RAI1: variants seen among roughly 807,000 people sequenced by gnomAD.
The protein encoded by RAI1 is retinoic acid induced 1.
A neutral mutation model predicts 123.8 loss-of-function variants in RAI1; 9 were observed. The ratio of observed to expected loss-of-function variants is 0.07; its 90% CI spans 0.04 to 0.13. RAI1 has a LOEUF of 0.13. RAI1 is among the 10% of genes least tolerant of loss of function. The pLI, the probability that RAI1 is intolerant of heterozygous loss-of-function variation, is 1.00. For missense variants in RAI1, 2,256 were observed against 2,545.8 expected, an observed-to-expected ratio of 0.89 and a Z score of 2.45; for synonymous variants, 1,231 against 1,127.3, an observed-to-expected ratio of 1.09 and a Z score of -1.84.
intron 4 of RAI1, among the ~76,000 whole-genome samples, chr17:17,807,268 G>A (rs977346463): frequency 1.5e-5 from 2 of 137,554 alleles, no homozygotes; most frequent in African/African-American, 5.2e-5. Context: ...CGGGGGGGTG[G>A]GAGTGAGAGG....
intron 2 of RAI1, among the ~76,000 whole-genome samples, chr17:17,769,354 G>A (rs558802239): frequency 3.9e-5 from 6 of 152,240 alleles, no homozygotes; most frequent in South Asian, 2.1e-4. Flanking sequence ...AGCCTTCTGC[G>A]CAGGCCTCCT....
intron 1 of RAI1, among the ~76,000 whole-genome samples, chr17:17,705,498 A>G (rs1452066078): frequency 6.6e-6 from 1 of 152,110 alleles, no homozygotes; most frequent in Non-Finnish European, 1.5e-5. Context: ...GTGAGCTGAG[A>G]TCGTGCCATT....
intron 1 of RAI1, among the ~76,000 whole-genome samples, chr17:17,707,313 A>C (rs1915424119): frequency 6.6e-6 from 1 of 152,076 alleles, no homozygotes; most frequent in African/African-American, 2.4e-5. Context: ...AAGAAGATAG[A>C]TGTAGTGAGA....
rs910468081 is a variant in RAI1, at chr17:17,772,548, C to A, written c.-16-20385C>A. 2.6e-5 allele frequency among the ~76,000 whole-genome samples: 4 copies of A among 152,376 alleles called. No individual in the cohort carries two copies. The South Asian group carries it at 8.3e-4, about 32-fold the overall frequency. On this transcript the variant is annotated intron_variant, in intron 2 of 5. Transcript: ENST00000353383. ...CCCAGAGGGCCACACACCACGTGGA[C>A]CCTGCCCATCTCTCATTTCTTGCCT...
At chr17:17,792,890 T>TC in intron 2 of RAI1, 43 bp from the exon 3 acceptor site, 6 of 296,096 alleles carry the variant, frequency 2.0e-5, no homozygotes, top group Non-Finnish European at 2.7e-5. Context: ...CATCCTCCCC[T>TC]CCCTCCTTCC....
chr17:17,690,282 G>A (rs1914791918), intron 1 of RAI1, among the ~76,000 whole-genome samples: 2 of 151,958 alleles, frequency 1.3e-5, no homozygotes, highest in African/African-American at 4.8e-5. Context: ...AGCTACTCAG[G>A]AGGCTGAGGC....
intron 4 of RAI1, among the ~76,000 whole-genome samples, chr17:17,805,274 G>T (rs1486456658): frequency 6.6e-6 from 1 of 152,142 alleles, no homozygotes; most frequent in Non-Finnish European, 1.5e-5. Flanking sequence ...GAGCTGCTGG[G>T]AGGAGAGTGA....
intron 1 of RAI1, chr17:17,684,533 T>C (rs1308453106): frequency 6.6e-6 from 1 of 151,938 alleles, no homozygotes; most frequent in Non-Finnish European, 1.5e-5. Flanking sequence ...AAGTAACACT[T>C]GGATACTTGG....
chr17:17,795,884 C>T lies in RAI1; in HGVS notation c.2936C>T (p.Pro979Leu). 6.2e-7 allele frequency: 1 copy of T among 1,612,364 alleles called. No individual in the cohort carries two copies. The highest frequency in any genetic ancestry group is 8.5e-7 in the Non-Finnish European group (1 of 1,179,966). The change falls in exon 3 of 6, where the codon CCT (proline) becomes CTT (leucine). Residue 979 changes from proline to leucine, a missense_variant. Coordinates refer to ENST00000353383, the MANE Select transcript of RAI1 (RefSeq NM_030665.4). The surrounding 1 kb of genome is among the most constrained non-coding windows in gnomAD (Gnocchi z 5.9). ...DASLAQKPNK[P>L]AVPEAPIAKK... is the part of the protein sequence containing the mutation. The stretch of plus-strand genomic sequence containing the variant: ...TCTCTGGCCCAGAAGCCCAACAAGC[C>T]TGCTGTGCCCGAGGCGCCCATCGCA...
intron 2 of RAI1, among the ~76,000 whole-genome samples, chr17:17,773,970 A>G (rs893086398): frequency 5.9e-5 from 9 of 152,218 alleles, no homozygotes; most frequent in African/African-American, 1.9e-4. Flanking sequence ...TCTATAATCT[A>G]TAATTTAAAA....
intron 4 of RAI1, chr17:17,804,216 T>G: frequency 3.0e-6 from 1 of 338,458 alleles, no homozygotes; most frequent in South Asian, 2.5e-5. Flanking sequence ...TAAATAGGAG[T>G]TCACTCAGCA....
At position 17,705,547 on chromosome 17, in the gene RAI1, AAAAAACAAAAAC is replaced by A. The variant is rs10634571; in HGVS notation, c.-148-18462_-148-18451del. On this transcript the variant is annotated intron_variant, in intron 1 of 5. Transcript: ENST00000353383. ...GGCAACAAGAACGAAACTCCGTCTC[AAAAAACAAAAAC>A]AAAAACAAAAACAAAAACGAGCCAG... 2.8e-4 allele frequency among the ~76,000 whole-genome samples: 42 copies of A among 151,326 alleles called. 1 individual carries two copies. Among genetic ancestry groups the A allele is most frequent in the South Asian group, 8.4e-4 (4 of 4,766 alleles).
chr17:17,702,051 T>G (rs559001038), intron 1 of RAI1, among the ~76,000 whole-genome samples: 2 of 152,332 alleles, frequency 1.3e-5, no homozygotes, highest in East Asian at 3.9e-4. Context: ...TGGGAGAGGC[T>G]TCTAAGCTCA....
Position 17,797,859 on chromosome 17 carries a change from GTCC to G in RAI1, c.4914_4916del (p.Ser1639del). 3 of 1,613,836 alleles carry G rather than the reference GTCC, an allele frequency of 1.9e-6. No homozygotes were observed. The highest frequency in any genetic ancestry group is 2.5e-6 in the Non-Finnish European group (3 of 1,179,986). On this transcript the variant is annotated inframe_deletion, in exon 3 of 6. Transcript: ENST00000353383. Reference sequence around the variant, plus strand: ...CCTCTGCCTCCTCTTCCTCATCCTCGTCCTCGTTCTCCTTGGATGCAGCCGGGG... The same window carrying G: ...CCTCTGCCTCCTCTTCCTCATCCTCGTCGTTCTCCTTGGATGCAGCCGGGG...
chr17:17,755,068 C>A (rs937311792), intron 2 of RAI1, among the ~76,000 whole-genome samples: 1 of 152,228 alleles, frequency 6.6e-6, no homozygotes, highest in Non-Finnish European at 1.5e-5. Context: ...ATGCCTCCCC[C>A]TGAAGGCTTT....
Position 17,797,600 on chromosome 17 carries a change from C to T in RAI1, c.4652C>T (p.Ser1551Leu), listed in dbSNP as rs202158738. 547 of 1,614,050 alleles carry T rather than the reference C, an allele frequency of 3.4e-4. No individual in the cohort carries two copies. Among genetic ancestry groups the T allele is most frequent in the Non-Finnish European group, 4.2e-4 (498 of 1,180,046 alleles). ...GGCCGGGCCAAGAACACCACCTCTT[C>T]ACCCTGTAAGGGGCGTGCCAAGCGA... is the stretch of plus-strand genomic sequence containing the variant. ...TRGRAKNTTS[S>L]PCKGRAKRRR... The change falls in exon 3 of 6, where the codon TCA (serine) becomes TTA (leucine). Residue 1551 changes from serine (S) to leucine (L), a missense_variant. By Grantham distance (145) the Ser-to-Leu change is moderately radical. Transcript: ENST00000353383.
At chr17:17,781,841 C>T (rs1184286287) in intron 2 of RAI1, among the ~76,000 whole-genome samples, 1 of 152,182 alleles carries the variant, frequency 6.6e-6, no homozygotes, top group East Asian at 1.9e-4. Flanking sequence ...CCACTTGGCG[C>T]CACCGCTGCC....
At chr17:17,756,278 A>G (rs1258865299) in intron 2 of RAI1, among the ~76,000 whole-genome samples, 1 of 150,340 alleles carries the variant, frequency 6.7e-6, no homozygotes, top group Non-Finnish European at 1.5e-5. Context: ...GCTCACCGCA[A>G]CCTCTGCCTC....
chr17:17,790,211 A>G (rs759022063), intron 2 of RAI1, among the ~76,000 whole-genome samples: 2 of 152,182 alleles, frequency 1.3e-5, no homozygotes, highest in Non-Finnish European at 2.9e-5. Context: ...CAGCCCTTAA[A>G]GAGGCAGTGC....
Sources: gnomAD v4.1 joint callset for allele counts (sites outside exome capture counted in the v4.1 genomes callset) on GRCh38, gnomAD v4.1.1 for gene constraint, Gnocchi (gnomAD v3.1) non-coding constraint, MANE v1.5 for transcripts, NCBI Gene and HGNC (gene_info 2026-07-23, HGNC 2026-07-21) for gene names.